Variants in RBFOX1 observed in about 807,000 individuals in gnomAD.
RBFOX1 encodes RNA binding fox-1 homolog 1.
RBFOX1 carries 8 observed loss-of-function variants against 57.7 expected under a neutral mutation model. The ratio of observed to expected loss-of-function variants is 0.14; its 90% CI spans 0.08 to 0.25. RBFOX1 has a LOEUF of 0.25. Among genes scored for constraint, RBFOX1 ranks in the 10% least tolerant of loss-of-function variants. The pLI is 1.00. For missense variants in RBFOX1, 611 were observed against 548.5 expected, an observed-to-expected ratio of 1.11 and a Z score of -1.14; for synonymous variants, 326 against 222.4, an observed-to-expected ratio of 1.47 and a Z score of -4.15.
chr16:7,650,107 G>C (rs1343799427), intron 11 of RBFOX1, among the ~76,000 whole-genome samples: 1 of 142,942 alleles, frequency 7.0e-6, no homozygotes, highest in African/African-American at 2.5e-5. Flanking sequence ...AAAGGAGCAA[G>C]TATAAGAAGG....
intron 4 of RBFOX1, among the ~76,000 whole-genome samples, chr16:7,158,562 T>G (rs1040953797): frequency 1.3e-5 from 2 of 152,034 alleles, no homozygotes; most frequent in Non-Finnish European, 2.9e-5. Flanking sequence ...TATGTCTGTG[T>G]GGTGTGTGTT....
chr16:6,978,661 C>T (rs1393902874), intron 3 of RBFOX1, among the ~76,000 whole-genome samples: 1 of 152,110 alleles, frequency 6.6e-6, no homozygotes, highest in South Asian at 2.1e-4. Context: ...ATTTTGTTGT[C>T]CCTTTCTTAC....
intron 4 of RBFOX1, among the ~76,000 whole-genome samples, chr16:7,392,269 C>T (rs1013711210): frequency 6.6e-6 from 1 of 152,118 alleles, no homozygotes; most frequent in East Asian, 1.9e-4. Flanking sequence ...GACAACTTTC[C>T]CCTGTAGTCC....
intron 2 of RBFOX1, among the ~76,000 whole-genome samples, chr16:6,532,196 A>G (rs1454245530): frequency 1.3e-5 from 2 of 152,186 alleles, no homozygotes; most frequent in Non-Finnish European, 2.9e-5. Flanking sequence ...GAAACTCTTT[A>G]TCTTCCAGAG....
chr16:6,383,763 T>G (rs1460847492), intron 2 of RBFOX1, among the ~76,000 whole-genome samples: 2 of 151,276 alleles, frequency 1.3e-5, no homozygotes, highest in East Asian at 3.9e-4. Context: ...GTGCGAGAAT[T>G]TATCTTGGAA....
chr16:7,477,093 C>T (rs1450118904), intron 4 of RBFOX1, among the ~76,000 whole-genome samples: 1 of 152,166 alleles, frequency 6.6e-6, no homozygotes, highest in African/African-American at 2.4e-5. Context: ...TCCCCCACAT[C>T]TCTGTCCTTT....
intron 3 of RBFOX1, among the ~76,000 whole-genome samples, chr16:5,720,276 A>G (rs1481049166): frequency 6.6e-6 from 1 of 152,060 alleles, no homozygotes; most frequent in East Asian, 1.9e-4. Context: ...GGTTATTTAT[A>G]TTTTGATATT....
chr16:6,056,224 A>G (rs553848297), intron 1 of RBFOX1, among the ~76,000 whole-genome samples: 3 of 152,296 alleles, frequency 2.0e-5, no homozygotes, highest in South Asian at 4.1e-4. Context: ...GGATTTGCAT[A>G]TTATGGACAA....
intron 4 of RBFOX1, among the ~76,000 whole-genome samples, chr16:7,408,606 C>A (rs1267133080): frequency 1.3e-5 from 2 of 152,170 alleles, no homozygotes; most frequent in African/African-American, 2.4e-5. Context: ...TTTAATAAGA[C>A]CTTATCTTGG....
chr16:5,967,759 G>A (rs757877133), intron 4 of RBFOX1, among the ~76,000 whole-genome samples: 8 of 152,060 alleles, frequency 5.3e-5, no homozygotes, highest in Non-Finnish European at 1.0e-4. Flanking sequence ...TTATGTGATT[G>A]CTTCAACAAT....
chr16:7,015,420 T>C (rs1327677814), intron 3 of RBFOX1, among the ~76,000 whole-genome samples: 2 of 152,180 alleles, frequency 1.3e-5, no homozygotes, highest in South Asian at 2.1e-4. Flanking sequence ...TATAGACTTA[T>C]GGAATCTGAA....
chr16:5,831,792 G>C (rs2056285187), intron 3 of RBFOX1, among the ~76,000 whole-genome samples: 1 of 152,112 alleles, frequency 6.6e-6, no homozygotes, highest in South Asian at 2.1e-4. Flanking sequence ...AGCCATGCAA[G>C]ATGGCCTAAT....
intron 2 of RBFOX1, among the ~76,000 whole-genome samples, chr16:6,522,142 C>T (rs530537024): frequency 6.8e-6 from 1 of 147,730 alleles, no homozygotes; most frequent in South Asian, 2.2e-4. Context: ...TAATGGCACT[C>T]TGGGGACCCA....
chr16:5,523,272 C>T (rs1255435527), intron 2 of RBFOX1, among the ~76,000 whole-genome samples: 5 of 151,558 alleles, frequency 3.3e-5, no homozygotes, highest in Non-Finnish European at 7.4e-5. Flanking sequence ...GGTGATAGAG[C>T]AAGACTCTGT....
At chr16:5,842,281 T>A (rs2056644280) in intron 3 of RBFOX1, among the ~76,000 whole-genome samples, 2 of 152,216 alleles carry the variant, frequency 1.3e-5, no homozygotes, top group Non-Finnish European at 2.9e-5. Flanking sequence ...GAGAAGTAGT[T>A]AAGCAATAAT....
intron 4 of RBFOX1, among the ~76,000 whole-genome samples, chr16:7,124,332 T>C (rs1488365705): frequency 6.6e-6 from 1 of 152,156 alleles, no homozygotes; most frequent in African/African-American, 2.4e-5. Context: ...GAGGATCCCT[T>C]GAGTTCAGGA....
chr16:5,978,699 G>A (rs2343345), intron 4 of RBFOX1, among the ~76,000 whole-genome samples: 54 of 147,302 alleles, frequency 3.7e-4, no homozygotes, highest in African/African-American at 1.3e-3. Flanking sequence ...TGTTGTTGTT[G>A]TTTTTTTAAA....
At chr16:5,440,562 G>C (rs1332725140) in intron 1 of RBFOX1, among the ~76,000 whole-genome samples, 1 of 152,120 alleles carries the variant, frequency 6.6e-6, no homozygotes, top group Non-Finnish European at 1.5e-5. Flanking sequence ...GGCCAGATTG[G>C]AACTCTCCAT....
chr16:5,803,373 C>G (rs1173975098), intron 3 of RBFOX1, among the ~76,000 whole-genome samples: 1 of 152,130 alleles, frequency 6.6e-6, no homozygotes, highest in Non-Finnish European at 1.5e-5. Flanking sequence ...ATAACAGGTG[C>G]TTTGGAAAAA....
Sources: allele counts gnomAD v4.1 joint callset (sites outside exome capture counted in the v4.1 genomes callset), GRCh38; gene constraint gnomAD v4.1.1; transcripts MANE v1.5; gene names NCBI Gene and HGNC (gene_info 2026-07-23, HGNC 2026-07-21).